Variants in DNAH11 observed in about 807,000 individuals in gnomAD.
DNAH11 encodes axonemal beta dynein heavy chain 11.
Under a neutral mutation model 526.0 loss-of-function variants are expected in DNAH11, and 442 were observed. The observed-to-expected ratio is 0.84, with a 90% CI of 0.78 to 0.91. DNAH11 has a LOEUF of 0.91. Ranked by LOEUF, DNAH11 falls within the 40% of genes least tolerant of loss-of-function variation. The pLI, the probability that DNAH11 is intolerant of heterozygous loss-of-function variation, is 0.00. For synonymous variants in DNAH11, 2,461 were observed against 1,935.9 expected (o/e 1.27, Z -7.12); for missense variants, 6,989 against 5,448.7 (o/e 1.28, Z -8.90).
chr7:21,784,721 C>T (rs1438776680), intron 58 of DNAH11, among the ~76,000 whole-genome samples, 181 bp downstream of exon 58: 1 of 152,184 alleles, frequency 6.6e-6, no homozygotes, highest in Admixed American at 6.5e-5. Context: ...AGTTCAACTT[C>T]TTTTCCCCAT....
At chr7:21,854,162 C>A (rs1441834578) in intron 67 of DNAH11, among the ~76,000 whole-genome samples, 153 bp from the exon 68 acceptor site, 1 of 152,154 alleles carries the variant, frequency 6.6e-6, no homozygotes, top group African/African-American at 2.4e-5. Context: ...TGAATGTAAT[C>A]ATTTTAGAAA....
At chr7:21,786,150 A>G (rs1788171001) in intron 58 of DNAH11, among the ~76,000 whole-genome samples, 1 of 152,150 alleles carries the variant, frequency 6.6e-6, no homozygotes, top group South Asian at 2.1e-4. Flanking sequence ...CTGTAGTGTA[A>G]TGGAAGATAT....
intron 21 of DNAH11, 144 bp downstream of exon 21, chr7:21,615,416 G>C: frequency 3.7e-6 from 3 of 818,128 alleles, no homozygotes; most frequent in Non-Finnish European, 5.3e-6. Context: ...CCAAATTAGA[G>C]TTCATGTATC....
At chr7:21,618,045 T>A (rs941176077) in intron 23 of DNAH11, 8 of 298,770 alleles carry the variant, frequency 2.7e-5, no homozygotes, top group Non-Finnish European at 4.3e-5. Context: ...GGTGTCCACG[T>A]TCAGTACACA....
rs1783583444 is a variant in DNAH11, at chr7:21,690,800, C to T, written c.5960C>T (p.Pro1987Leu). ...VFLGEAITLK[P>L]SVGIFITMNP... Reference sequence around the variant, plus strand: ...CTTGGGGAAGCTATCACACTGAAGCCATCAGTTGGAATATTTATTACTATG... The same window carrying T: ...CTTGGGGAAGCTATCACACTGAAGCTATCAGTTGGAATATTTATTACTATG... Residue 1987 changes from proline (P) to leucine (L), a missense_variant, in exon 35 of 82, where the codon CCA (proline) becomes CTA (leucine). By Grantham distance (98) the Pro-to-Leu change is moderately conservative (BLOSUM62 -3). Coordinates refer to ENST00000409508, the MANE Select transcript of DNAH11 (RefSeq NM_001277115.2). 1 of 1,610,174 alleles carries T rather than the reference C, an allele frequency of 6.2e-7. No homozygotes were observed. The highest frequency in any genetic ancestry group is 1.3e-5 in the African/African-American group (1 of 74,688).
chr7:21,899,554 C>G (rs1392202280), intron 80 of DNAH11, 106 bp downstream of exon 80: 1 of 859,722 alleles, frequency 1.2e-6, no homozygotes, highest in Non-Finnish European at 1.8e-6. Flanking sequence ...GCTCACCAAT[C>G]CTCAAGCAGC....
intron 57 of DNAH11, among the ~76,000 whole-genome samples, chr7:21,780,440 A>G (rs1029636817): frequency 9.2e-5 from 14 of 152,204 alleles, no homozygotes; most frequent in African/African-American, 3.4e-4. Flanking sequence ...GGTATCACAC[A>G]TGATACAGTC....
At chr7:21,577,386 G>C (rs1052906534) in intron 8 of DNAH11, among the ~76,000 whole-genome samples, 3 of 152,192 alleles carry the variant, frequency 2.0e-5, no homozygotes, top group Non-Finnish European at 2.9e-5. Flanking sequence ...GGTGATGTCA[G>C]AGATGACCAC....
intron 48 of DNAH11, 128 bp from the exon 49 acceptor site, chr7:21,741,799 A>G: frequency 9.5e-7 from 1 of 1,051,590 alleles, no homozygotes; most frequent in Non-Finnish European, 1.3e-6. Flanking sequence ...CCCCAGAGTC[A>G]GAGTGGAGCA....
Position 21,710,649 on chromosome 7 carries a change from C to T in DNAH11, c.6780C>T (p.Gly2260=), listed in dbSNP as rs377115580. 2.5e-5 allele frequency: 40 copies of T among 1,613,102 alleles called. No homozygotes were observed. The highest frequency in any genetic ancestry group is 1.7e-4 in the Admixed American group (10 of 59,894). Residue 2260 remains glycine (G), a synonymous_variant, in exon 41 of 82, where the codon GGC becomes GGT. Transcript: ENST00000409508. ...GACCAAAATGGATAGTCCTGGATGG[C>T]GATATTGACCCCATGTGGATTGAAT... The part of the protein sequence containing the change: ...HDGPKWIVLD[G]DIDPMWIESL...
intron 30 of DNAH11, among the ~76,000 whole-genome samples, chr7:21,678,828 C>T (rs1191969245): frequency 6.6e-6 from 1 of 152,120 alleles, no homozygotes; most frequent in Non-Finnish European, 1.5e-5. Flanking sequence ...GAACATTCCT[C>T]AAAATATTAA....
Position 21,681,592 on chromosome 7 carries a change from C to T in DNAH11, c.5375C>T (p.Pro1792Leu), listed in dbSNP as rs1783138924. Reference protein sequence around the residue: ...TLITLLLGELPPGDRQKIMTI... With the variant: ...TLITLLLGELLPGDRQKIMTI... ...ATTACACTTTTGCTGGGAGAACTTC[C>T]ACCTGGAGACAGACAGAAGATCATG... The change falls in exon 31 of 82, where the codon CCA (proline) becomes CTA (leucine). Residue 1792 changes from proline to leucine, a missense_variant. Physicochemically the swap from Pro to Leu is moderately conservative, Grantham distance 98. Transcript: ENST00000409508. 5 of 1,613,768 alleles carry T rather than the reference C, an allele frequency of 3.1e-6. No homozygotes were observed. Among genetic ancestry groups the T allele is most frequent in the Middle Eastern group, 1.6e-4 (1 of 6,062 alleles).
chr7:21,785,054 T>G (rs915777099), intron 58 of DNAH11, among the ~76,000 whole-genome samples: 12 of 152,174 alleles, frequency 7.9e-5, no homozygotes, highest in African/African-American at 9.7e-5. Flanking sequence ...TAAGAGAAAG[T>G]AAGCTGTGTT....
intron 30 of DNAH11, among the ~76,000 whole-genome samples, chr7:21,681,239 C>T (rs553804152): frequency 6.6e-6 from 1 of 151,958 alleles, no homozygotes; most frequent in South Asian, 2.1e-4. Flanking sequence ...CCAGCCTGAC[C>T]AAAATGGTGA....
intron 61 of DNAH11, among the ~76,000 whole-genome samples, chr7:21,799,794 G>C (rs1013695195): frequency 5.9e-5 from 9 of 152,028 alleles, no homozygotes; most frequent in African/African-American, 2.2e-4. Context: ...GAAATAACTG[G>C]GTCATCGACA....
intron 28 of DNAH11, among the ~76,000 whole-genome samples, chr7:21,641,615 C>G (rs1387138827): frequency 1.3e-5 from 2 of 152,192 alleles, no homozygotes; most frequent in Non-Finnish European, 2.9e-5. Flanking sequence ...TCCTTCATGC[C>G]TTAGCTAAAC....
chr7:21,749,892 T>C, intron 53 of DNAH11, 91 bp downstream of exon 53: 1 of 1,570,110 alleles, frequency 6.4e-7, no homozygotes, highest in Non-Finnish European at 8.7e-7. Context: ...AATTCGTCTT[T>C]GAGATGTTTG....
intron 35 of DNAH11, among the ~76,000 whole-genome samples, chr7:21,692,201 G>A (rs901050197): frequency 2.6e-5 from 4 of 152,094 alleles, no homozygotes; most frequent in Non-Finnish European, 5.9e-5. Context: ...AAATTGTAAG[G>A]TTTATCATCA....
intron 26 of DNAH11, 77 bp from the exon 27 acceptor site, chr7:21,637,534 T>C: frequency 9.9e-7 from 1 of 1,014,298 alleles, no homozygotes; most frequent in Non-Finnish European, 1.5e-6. Context: ...TTCTTCATTT[T>C]TTTAATTCTT....
Sources: gnomAD v4.1 joint callset for allele counts (sites outside exome capture counted in the v4.1 genomes callset) on GRCh38, gnomAD v4.1.1 for gene constraint, MANE v1.5 for transcripts, NCBI Gene and HGNC (gene_info 2026-07-23, HGNC 2026-07-21) for gene names.